PDCD10: variants seen among roughly 807,000 people sequenced by gnomAD.
PDCD10 encodes the protein programmed cell death protein 10.
A neutral mutation model predicts 29.2 loss-of-function variants in PDCD10; 4 were observed. The ratio of observed to expected loss-of-function variants is 0.14; its 90% CI spans 0.07 to 0.31. The LOEUF (loss-of-function observed/expected upper bound fraction) is 0.31, where lower values mean the gene tolerates loss of function less well. Among genes scored for constraint, PDCD10 ranks in the 10% least tolerant of loss-of-function variants. PDCD10 has a pLI of 1.00. For synonymous variants in PDCD10, 70 were observed against 82.2 expected, an observed-to-expected ratio of 0.85 and a Z score of 0.80; for missense variants, 183 against 257.9, an observed-to-expected ratio of 0.71 and a Z score of 1.99.
At chr3:167,684,795 T>C (rs773994376) in intron 8 of PDCD10, among the ~76,000 whole-genome samples, 1 of 151,958 alleles carries the variant, frequency 6.6e-6, no homozygotes, top group African/African-American at 2.4e-5. Flanking sequence ...TCAAGAAAAA[T>C]CTAATTACTT....
chr3:167,710,536 G>A (rs546915473), intron 3 of PDCD10, among the ~76,000 whole-genome samples: 1 of 152,204 alleles, frequency 6.6e-6, no homozygotes. Context: ...AGCCACAGTA[G>A]GAAAGAACAC....
chr3:167,699,908 T>C (rs143519117), intron 4 of PDCD10, among the ~76,000 whole-genome samples: 23 of 152,276 alleles, frequency 1.5e-4, no homozygotes, highest in African/African-American at 5.3e-4. Context: ...GAGTAGCCTA[T>C]AAGTAGTGAA....
At chr3:167,721,889 A>G (rs1421147501) in intron 2 of PDCD10, among the ~76,000 whole-genome samples, 1 of 152,188 alleles carries the variant, frequency 6.6e-6, no homozygotes, top group Non-Finnish European at 1.5e-5. Context: ...AAGAATAACG[A>G]CAAGGAAAAC....
At chr3:167,731,142 T>C (rs924904218) in intron 2 of PDCD10, among the ~76,000 whole-genome samples, 2 of 152,190 alleles carry the variant, frequency 1.3e-5, no homozygotes, top group South Asian at 4.1e-4. Flanking sequence ...ATTTTCTTGA[T>C]GTCTTCAGCT....
rs561231756 is a variant in PDCD10 at position 167,709,485 on chromosome 3, G to A, written c.97-4590C>T. On this transcript the variant is annotated intron_variant, in intron 3 of 8. Transcript: ENST00000392750. ...ACTAAACTTAGTGCTGATCAATCAC[G>A]GTGGAGAGCAAAAGTGTGCTGGGTT... is the stretch of plus-strand genomic sequence containing the variant. 8.5e-5 allele frequency among the ~76,000 whole-genome samples: 13 copies of A among 152,206 alleles called. No individual in the cohort carries two copies. In the South Asian group the frequency reaches 1.2e-3, roughly 15 times the overall value.
intron 3 of PDCD10, among the ~76,000 whole-genome samples, chr3:167,717,329 G>A (rs1023186577): frequency 5.3e-5 from 8 of 151,964 alleles, no homozygotes; most frequent in African/African-American, 7.2e-5. Flanking sequence ...TGGATCTAAC[G>A]TTAAGGTGAG....
chr3:167,716,989 G>A (rs960318661), intron 3 of PDCD10, among the ~76,000 whole-genome samples: 2 of 151,964 alleles, frequency 1.3e-5, no homozygotes, highest in Non-Finnish European at 2.9e-5. Context: ...TAATAGTTAT[G>A]TGAGAACCTG....
intron 6 of PDCD10, among the ~76,000 whole-genome samples, chr3:167,693,184 G>A (rs1269270124): frequency 6.6e-6 from 1 of 152,168 alleles, no homozygotes; most frequent in Non-Finnish European, 1.5e-5. Context: ...ATTTCTCAAT[G>A]TGAATGACAA....
chr3:167,702,695 G>C (rs74535754), intron 4 of PDCD10, among the ~76,000 whole-genome samples: 7,457 of 152,176 alleles, frequency 0.049, 604 homozygotes, highest in African/African-American at 0.17. Flanking sequence ...TATTGTCGTT[G>C]CGGACCAATA....
intron 6 of PDCD10, among the ~76,000 whole-genome samples, chr3:167,693,898 G>T (rs1256696199): frequency 6.6e-6 from 1 of 152,160 alleles, no homozygotes; most frequent in Non-Finnish European, 1.5e-5. Flanking sequence ...TGAGGGTGCA[G>T]TAAGTTATGA....
intron 5 of PDCD10, 51 bp downstream of exon 5, chr3:167,696,958 A>G (rs191945776): frequency 1.1e-6 from 1 of 896,276 alleles, no homozygotes; most frequent in African/African-American, 1.6e-5. Flanking sequence ...GATTTAGAGG[A>G]AGTGCTATTT....
chr3:167,704,594 A>G, intron 4 of PDCD10: 1 of 391,924 alleles, frequency 2.6e-6, no homozygotes, highest in Non-Finnish European at 4.6e-6. Context: ...ATCTACAGCT[A>G]AGGAGAGAAC....
At chr3:167,701,511 T>TTCAAAAAAA (rs1330405810) in intron 4 of PDCD10, among the ~76,000 whole-genome samples, 1 of 152,144 alleles carries the variant, frequency 6.6e-6, no homozygotes, top group African/African-American at 2.4e-5. Flanking sequence ...ATTATTGTTG[T>TTCAAAAAAA]TCAAAAAAAT....
At chr3:167,696,659 T>A (rs1311515877) in intron 5 of PDCD10, among the ~76,000 whole-genome samples, 1 of 152,124 alleles carries the variant, frequency 6.6e-6, no homozygotes, top group Non-Finnish European at 1.5e-5. Flanking sequence ...AACAAAAACC[T>A]CATTACTTTC....
At chr3:167,701,601 G>A (rs190960283) in intron 4 of PDCD10, among the ~76,000 whole-genome samples, 134 of 152,278 alleles carry the variant, frequency 8.8e-4, no homozygotes, top group Non-Finnish European at 1.3e-3. Context: ...TGGCCTACTT[G>A]TCCCAAAACA....
intron 6 of PDCD10, among the ~76,000 whole-genome samples, chr3:167,691,126 A>T (rs1720186908): frequency 6.6e-6 from 1 of 152,162 alleles, no homozygotes; most frequent in Non-Finnish European, 1.5e-5. Context: ...AGAAGAAATC[A>T]TTTTCTATTT....
intron 4 of PDCD10, among the ~76,000 whole-genome samples, chr3:167,703,018 A>T (rs1721600858): frequency 6.6e-6 from 1 of 152,178 alleles, no homozygotes; most frequent in South Asian, 2.1e-4. Context: ...ATGTTACAAG[A>T]AAAACCCTCA....
chr3:167,695,333 T>TTTA (rs1472469621), intron 6 of PDCD10, among the ~76,000 whole-genome samples: 4 of 152,230 alleles, frequency 2.6e-5, no homozygotes, highest in Admixed American at 1.3e-4. Context: ...TTATCTGACA[T>TTTA]TTATATCTTC....
chr3:167,724,336 C>T (rs1044960608), intron 2 of PDCD10, among the ~76,000 whole-genome samples: 5 of 152,202 alleles, frequency 3.3e-5, no homozygotes, highest in African/African-American at 1.2e-4. Flanking sequence ...AAATCCAGTA[C>T]TCAGCCCTCT....
Sources: gnomAD v4.1 joint callset for allele counts (sites outside exome capture counted in the v4.1 genomes callset) on GRCh38, gnomAD v4.1.1 for gene constraint, MANE v1.5 for transcripts, NCBI Gene and HGNC (gene_info 2026-07-23, HGNC 2026-07-21) for gene names.